Variants in WDR76 observed in about 807,000 individuals in gnomAD.
WDR76 encodes WD repeat-containing protein 76.
Under a neutral mutation model 70.2 loss-of-function variants are expected in WDR76, and 52 were observed. The observed-to-expected ratio is 0.74, with a 90% CI of 0.59 to 0.93. The LOEUF is 0.93. Ranked by LOEUF, WDR76 falls within the 40% of genes least tolerant of loss-of-function variation. The probability of loss-of-function intolerance (pLI) is 0.00; values close to 1 mark genes in which losing one functional copy is unlikely to be tolerated. For missense variants in WDR76, 756 were observed against 760.2 expected (o/e 0.99, Z 0.07); for synonymous variants, 292 against 271.1 (o/e 1.08, Z -0.76).
rs1268101508 is a variant in WDR76 at position 43,858,747 on chromosome 15, A to G, written c.1486A>G (p.Lys496Glu). ...TTTGATTTCTTTGACTGAACATACA[A>G]AGAGCATTGCTTCCGCCTATTTTTC... is the stretch of plus-strand genomic sequence containing the variant. Reference protein sequence around the residue: ...QPLISLTEHTKSIASAYFSPL... With the variant: ...QPLISLTEHTESIASAYFSPL... The change falls in exon 11 of 13, where the codon AAG (lysine) becomes GAG (glutamate). Residue 496 changes from lysine to glutamate, a missense_variant. Coordinates refer to ENST00000263795, the MANE Select transcript of WDR76 (RefSeq NM_024908.4). 3 of 1,614,250 alleles carry G rather than the reference A, an allele frequency of 1.9e-6. No homozygotes were observed. In the East Asian group the frequency reaches 6.7e-5, roughly 36 times the overall value.
At chr15:43,859,033 A>G (rs534374138) in intron 11 of WDR76, among the ~76,000 whole-genome samples, 5 of 152,174 alleles carry the variant, frequency 3.3e-5, no homozygotes, top group South Asian at 2.1e-4. Context: ...GAGACTGGCA[A>G]AGGTCCGTAG....
At position 43,866,054 on chromosome 15, in the gene WDR76, C is replaced by T. The variant is rs577576056; in HGVS notation, c.1617-74C>T. On this transcript the variant is annotated intron_variant, in intron 12 of 12. Coordinates refer to ENST00000263795, the MANE Select transcript of WDR76 (RefSeq NM_024908.4). Reference sequence around the variant, plus strand: ...GAAAACTAGCATTTAGGAGCAATGCCGTCTTTACCCTCTGCCCAATGCTAC... The same window carrying T: ...GAAAACTAGCATTTAGGAGCAATGCTGTCTTTACCCTCTGCCCAATGCTAC... 11 of 1,532,334 alleles carry T rather than the reference C, an allele frequency of 7.2e-6. No individual in the cohort carries two copies. The South Asian group carries it at 7.4e-5, about 10-fold the overall frequency. 94.9% of individuals were successfully genotyped at this position (1,532,334 alleles called of 1,614,324 possible).
intron 11 of WDR76, among the ~76,000 whole-genome samples, chr15:43,860,349 A>G (rs2087980395): frequency 6.6e-6 from 1 of 152,184 alleles, no homozygotes; most frequent in South Asian, 2.1e-4. Context: ...ACTGCTCTTG[A>G]TACACAGATG....
chr15:43,857,349 T>G (rs1168343348), intron 10 of WDR76, among the ~76,000 whole-genome samples, 186 bp downstream of exon 10: 1 of 152,156 alleles, frequency 6.6e-6, no homozygotes, highest in Non-Finnish European at 1.5e-5. Flanking sequence ...AAATGAAAAA[T>G]TCTTTTAGAT....
chr15:43,844,129 A>C, intron 8 of WDR76, 75 bp downstream of exon 8: 1 of 1,368,936 alleles, frequency 7.3e-7, no homozygotes, highest in Non-Finnish European at 9.7e-7. Flanking sequence ...GGCTAGAGCC[A>C]TGTGTTTATA....
At chr15:43,866,072 A>T in intron 12 of WDR76, 56 bp from the exon 13 acceptor site, 1 of 1,591,234 alleles carries the variant, frequency 6.3e-7, no homozygotes, top group Non-Finnish European at 8.6e-7. Flanking sequence ...CCCTCTGCCC[A>T]ATGCTACCTT....
chr15:43,866,112 T>C lies in WDR76; in HGVS notation c.1617-16T>C, dbSNP rs780473228. On this transcript the variant is annotated splice_polypyrimidine_tract_variant and intron_variant, in intron 12 of 12. Coordinates refer to ENST00000263795, the MANE Select transcript of WDR76 (RefSeq NM_024908.4). Reference sequence around the variant, plus strand: ...AACCTTACTTCATTTAAAAAATATATTGTTTTCCTCACTAGGCACAACACT... The same window carrying C: ...AACCTTACTTCATTTAAAAAATATACTGTTTTCCTCACTAGGCACAACACT... The C allele has an allele frequency of 1.9e-6, 3 of 1,611,754 alleles. No individual in the cohort carries two copies. Among genetic ancestry groups the C allele is most frequent in the Non-Finnish European group, 2.5e-6 (3 of 1,178,202 alleles).
At chr15:43,859,185 G>A (rs933238109) in intron 11 of WDR76, among the ~76,000 whole-genome samples, 1 of 152,152 alleles carries the variant, frequency 6.6e-6, no homozygotes, top group African/African-American at 2.4e-5. Flanking sequence ...AGTGCTGAAT[G>A]GAAATTGCAG....
intron 8 of WDR76, among the ~76,000 whole-genome samples, chr15:43,845,855 A>G (rs2087782008): frequency 6.6e-6 from 1 of 150,420 alleles, no homozygotes; most frequent in South Asian, 2.1e-4. Flanking sequence ...CATAAGGACA[A>G]TTAATGAAGG....
intron 2 of WDR76, 131 bp downstream of exon 2, chr15:43,828,497 A>T: frequency 1.3e-6 from 1 of 792,068 alleles, no homozygotes; most frequent in Non-Finnish European, 1.9e-6. Context: ...TATAAATGTA[A>T]TAATACATTT....
At position 43,846,297 on chromosome 15, in the gene WDR76, C is replaced by T. The variant is rs1402314274; in HGVS notation, c.1032+2243C>T. On this transcript the variant is annotated intron_variant, in intron 8 of 12. Coordinates refer to ENST00000263795, the MANE Select transcript of WDR76 (RefSeq NM_024908.4). The stretch of plus-strand genomic sequence containing the variant: ...GATAGAGACTTTTTTTTTTTTTTCC[C>T]GCCCCTGAGATACGGTCCCACTCTG... Among the ~76,000 whole-genome samples the T allele has an allele frequency of 6.2e-5, 9 of 145,516 alleles. 1 individual carries two copies. Among genetic ancestry groups the T allele is most frequent in the East Asian group, 2.0e-4 (1 of 5,122 alleles).
intron 8 of WDR76, among the ~76,000 whole-genome samples, chr15:43,844,692 G>A (rs1166917035): frequency 1.3e-5 from 2 of 151,064 alleles, no homozygotes; most frequent in African/African-American, 2.4e-5. Flanking sequence ...GGTGGATCAC[G>A]AAGTCAGGAG....
At chr15:43,833,756 C>T (rs1434396064) in intron 2 of WDR76, among the ~76,000 whole-genome samples, 1 of 152,054 alleles carries the variant, frequency 6.6e-6, no homozygotes, top group Non-Finnish European at 1.5e-5. Context: ...TCTGTCTCAG[C>T]CTCCCGAGTA....
intron 8 of WDR76, among the ~76,000 whole-genome samples, chr15:43,844,388 C>T (rs535148865): frequency 1.9e-4 from 29 of 151,988 alleles, no homozygotes; most frequent in East Asian, 9.6e-4. Context: ...GAGGCTGAGG[C>T]GGTCGGATCA....
intron 9 of WDR76, 55 bp downstream of exon 9, chr15:43,851,300 A>G: frequency 1.3e-6 from 2 of 1,587,698 alleles, no homozygotes; most frequent in Non-Finnish European, 8.6e-7. Flanking sequence ...GATTCTTCGA[A>G]ATGCCACATG....
chr15:43,839,761 TAATAA>T (rs973328033), intron 5 of WDR76, 33 bp downstream of exon 5: 11 of 1,555,122 alleles, frequency 7.1e-6, no homozygotes, highest in African/African-American at 4.2e-5. Flanking sequence ...TATTTTAATG[TAATAA>T]AATACTGAAA....
At chr15:43,862,125 G>T (rs1220448065) in intron 12 of WDR76, among the ~76,000 whole-genome samples, 1 of 151,336 alleles carries the variant, frequency 6.6e-6, no homozygotes, top group Non-Finnish European at 1.5e-5. Flanking sequence ...CGTAAGCCAC[G>T]GCGCCTGGCC....
chr15:43,836,351 G>A, intron 4 of WDR76, 135 bp downstream of exon 4: 1 of 576,318 alleles, frequency 1.7e-6, no homozygotes, highest in Non-Finnish European at 2.8e-6. Context: ...TAGGATCTCT[G>A]AGGGAATGCT....
chr15:43,849,341 G>A (rs1481714436), intron 8 of WDR76, among the ~76,000 whole-genome samples: 2 of 152,060 alleles, frequency 1.3e-5, no homozygotes, highest in African/African-American at 4.8e-5. Context: ...GTAAATACTT[G>A]AAATTCAAAA....
Sources: allele counts gnomAD v4.1 joint callset (sites outside exome capture counted in the v4.1 genomes callset), GRCh38; gene constraint gnomAD v4.1.1; transcripts MANE v1.5; gene names NCBI Gene and HGNC (gene_info 2026-07-23, HGNC 2026-07-21).